FGD4: variants seen among roughly 807,000 people sequenced by gnomAD.
FGD4 encodes the protein FYVE, RhoGEF and PH domain-containing protein 4.
Under a neutral mutation model 102.0 loss-of-function variants are expected in FGD4, and 42 were observed. The ratio of observed to expected loss-of-function variants is 0.41; its 90% CI spans 0.32 to 0.53. The LOEUF is 0.53. Among genes scored for constraint, FGD4 ranks in the 20% least tolerant of loss-of-function variants. The probability of loss-of-function intolerance (pLI) is 0.21; values close to 1 mark genes in which losing one functional copy is unlikely to be tolerated. For missense variants in FGD4, 902 were observed against 1,078.2 expected (o/e 0.84, Z 2.29); for synonymous variants, 380 against 375.7 (o/e 1.01, Z -0.13).
chr12:32,475,972 ACTC>A (rs1448687411), intron 1 of FGD4, among the ~76,000 whole-genome samples: 1 of 151,842 alleles, frequency 6.6e-6, no homozygotes, highest in Non-Finnish European at 1.5e-5. Flanking sequence ...TCATGTCACT[ACTC>A]CTATATTTTA....
At chr12:32,484,358 T>C (rs542786011) in intron 1 of FGD4, among the ~76,000 whole-genome samples, 72 of 152,142 alleles carry the variant, frequency 4.7e-4, no homozygotes, top group African/African-American at 1.6e-3. Context: ...TAAGGTAACA[T>C]ACAATTTTTA....
intron 1 of FGD4, among the ~76,000 whole-genome samples, chr12:32,410,768 C>G (rs1052839461): frequency 6.6e-6 from 1 of 152,210 alleles, no homozygotes; most frequent in African/African-American, 2.4e-5. Flanking sequence ...TTCTGGGAAC[C>G]GCACTGAGCC....
At chr12:32,460,992 C>T (rs990464744) in intron 1 of FGD4, among the ~76,000 whole-genome samples, 1 of 152,202 alleles carries the variant, frequency 6.6e-6, no homozygotes, top group African/African-American at 2.4e-5. Context: ...AACTGATATT[C>T]TCCAGATTAC....
intron 16 of FGD4, 62 bp downstream of exon 16, chr12:32,638,857 A>T: frequency 6.2e-6 from 10 of 1,610,840 alleles, no homozygotes; most frequent in Non-Finnish European, 8.5e-6. Context: ...AAGCGAGTGG[A>T]CAGCGGACTC....
At chr12:32,510,986 G>A (rs1939304997) in intron 1 of FGD4, among the ~76,000 whole-genome samples, 1 of 152,202 alleles carries the variant, frequency 6.6e-6, no homozygotes, top group Non-Finnish European at 1.5e-5. Flanking sequence ...CAGAGTCTGT[G>A]GGATTAAGCA....
At chr12:32,614,729 TTCTTCAGTTA>T (rs1163678817) in intron 10 of FGD4, among the ~76,000 whole-genome samples, 7 of 152,254 alleles carry the variant, frequency 4.6e-5, no homozygotes, top group Non-Finnish European at 5.9e-5. Context: ...GACACCCATT[TTCTTCAGTTA>T]ATAGTGTAAA....
At chr12:32,566,628 C>T (rs1945210755) in intron 2 of FGD4, among the ~76,000 whole-genome samples, 1 of 152,190 alleles carries the variant, frequency 6.6e-6, no homozygotes, top group South Asian at 2.1e-4. Flanking sequence ...TTAGTATTGT[C>T]AGATGAGCTG....
chr12:32,481,157 A>AAAAAAAT (rs1565767387), intron 1 of FGD4, among the ~76,000 whole-genome samples: 4 of 148,006 alleles, frequency 2.7e-5, no homozygotes, highest in Non-Finnish European at 6.0e-5. Flanking sequence ...AAAAAAAAAA[A>AAAAAAAT]GCCGGGCGCA....
Position 32,629,720 on chromosome 12 carries a change from C to T in FGD4, c.2173-3829C>T, listed in dbSNP as rs115368171. ...GTTGTAGCAAATCTGCTGTTTTGTTCATTTTTAATTTTTAATTATTTCCAA... is the reference window on the plus strand; with the variant it reads ...GTTGTAGCAAATCTGCTGTTTTGTTTATTTTTAATTTTTAATTATTTCCAA... On this transcript the variant is annotated intron_variant, in intron 14 of 16. Transcript: ENST00000534526. 1.5e-3 allele frequency among the ~76,000 whole-genome samples: 235 copies of T among 152,160 alleles called. 1 individual carries two copies. Among genetic ancestry groups the T allele is most frequent in the African/African-American group, 5.5e-3 (228 of 41,520 alleles).
intron 1 of FGD4, among the ~76,000 whole-genome samples, chr12:32,497,816 G>A (rs757132212): frequency 5.9e-5 from 9 of 152,192 alleles, no homozygotes; most frequent in Non-Finnish European, 1.2e-4. Context: ...CATGCCACAC[G>A]TAAGGGTAGT....
At position 32,564,302 on chromosome 12, in the gene FGD4, G is replaced by T; in HGVS notation, c.319+13G>T. The T allele has an allele frequency of 6.5e-7, 1 of 1,535,178 alleles. No individual in the cohort carries two copies. The highest frequency in any genetic ancestry group is 8.7e-7 in the Non-Finnish European group (1 of 1,146,506). On this transcript the variant is annotated intron_variant, in intron 2 of 16. Transcript: ENST00000534526. Reference sequence around the variant, plus strand: ...CCAAAGCCACAAGGTATGCTCACTGGGAGTTTGTGTTCGGGGTGGGTACGT... The same window carrying T: ...CCAAAGCCACAAGGTATGCTCACTGTGAGTTTGTGTTCGGGGTGGGTACGT...
intron 10 of FGD4, among the ~76,000 whole-genome samples, chr12:32,611,903 G>A (rs959337104): frequency 2.4e-4 from 36 of 152,310 alleles, no homozygotes; most frequent in Middle Eastern, 3.4e-3. Context: ...TCAGGGGCCC[G>A]GGAAGCCCCC....
chr12:32,431,716 T>C (rs954158236), intron 1 of FGD4, among the ~76,000 whole-genome samples: 1 of 151,350 alleles, frequency 6.6e-6, no homozygotes, highest in Non-Finnish European at 1.5e-5. Flanking sequence ...GAGGTTGCAG[T>C]GAGCCAAGAT....
intron 1 of FGD4, among the ~76,000 whole-genome samples, chr12:32,423,972 AC>A (rs1941743353): frequency 6.6e-6 from 1 of 151,706 alleles, no homozygotes; most frequent in Admixed American, 6.6e-5. Context: ...CTGAGATCAT[AC>A]TGTATTTGTC....
chr12:32,453,510 A>G (rs1942868567), intron 1 of FGD4, among the ~76,000 whole-genome samples: 1 of 151,886 alleles, frequency 6.6e-6, no homozygotes, highest in Non-Finnish European at 1.5e-5. Flanking sequence ...CTGGGATTAC[A>G]GGTGTGAGCC....
At chr12:32,463,278 G>A (rs746055052) in intron 1 of FGD4, among the ~76,000 whole-genome samples, 1 of 152,178 alleles carries the variant, frequency 6.6e-6, no homozygotes, top group Non-Finnish European at 1.5e-5. Flanking sequence ...TAAGTCACAT[G>A]CGACTAGTAG....
intron 2 of FGD4, among the ~76,000 whole-genome samples, chr12:32,575,226 G>C (rs544097871): frequency 1.4e-4 from 22 of 152,294 alleles, no homozygotes; most frequent in African/African-American, 5.3e-4. Context: ...ACCCGAAGCT[G>C]GGTAATTTAT....
At chr12:32,639,284 C>G (rs1951027018) in intron 16 of FGD4, among the ~76,000 whole-genome samples, 1 of 152,088 alleles carries the variant, frequency 6.6e-6, no homozygotes, top group Admixed American at 6.6e-5. Flanking sequence ...CTGCCTCAGC[C>G]TCCCGAGTAG....
At chr12:32,601,034 T>C (rs550507591) in intron 5 of FGD4, among the ~76,000 whole-genome samples, 2 of 152,358 alleles carry the variant, frequency 1.3e-5, no homozygotes, top group South Asian at 4.1e-4. Context: ...AGGTGAATTA[T>C]TCGCCATAAT....
Sources: gnomAD v4.1 joint callset for allele counts (sites outside exome capture counted in the v4.1 genomes callset) on GRCh38, gnomAD v4.1.1 for gene constraint, MANE v1.5 for transcripts, NCBI Gene and HGNC (gene_info 2026-07-23, HGNC 2026-07-21) for gene names.